The following FAM237A variants were observed in gnomAD, a reference collection of about 807,000 sequenced individuals.
FAM237A encodes the protein protein FAM237A.
In FAM237A, 14 loss-of-function variants were observed where a neutral mutation model predicts 12.5. The ratio of observed to expected loss-of-function variants is 1.12; its 90% confidence interval spans 0.74 to 1.75. The LOEUF is 1.75. Among genes scored for constraint, FAM237A ranks in the 40% most tolerant of loss-of-function variants. The pLI is 0.00. For synonymous variants in FAM237A, 85 were observed against 77.5 expected, an observed-to-expected ratio of 1.10 and a Z score of -0.51; for missense variants, 240 against 211.7, an observed-to-expected ratio of 1.13 and a Z score of -0.83.
rs1044118175 is a variant in FAM237A at position 206,648,924 on chromosome 2, C to T, written c.*130C>T. Reference sequence around the variant, plus strand: ...AGATAAATATGAACCCAAATTCTCTCAGTATACTAATTTAAAGCTGCCTTC... The same window carrying T: ...AGATAAATATGAACCCAAATTCTCTTAGTATACTAATTTAAAGCTGCCTTC... On this transcript the variant is annotated 3_prime_UTR_variant, in exon 3 of 3. Transcript: ENST00000441223. The T allele has an allele frequency of 1.6e-5, 10 of 620,948 alleles. No individual in the cohort carries two copies. The highest frequency in any genetic ancestry group is 2.4e-5 in the Non-Finnish European group (10 of 416,762). The allele number at this position is 620,948 out of a possible 1,614,324, so 38.5% of individuals were successfully genotyped here.
chr2:206,644,543 G>A lies in FAM237A; in HGVS notation c.307G>A (p.Val103Met), dbSNP rs1699293608. 6.2e-7 allele frequency: 1 copy of A among 1,614,006 alleles called. No homozygotes were observed. The highest frequency in any genetic ancestry group is 1.6e-4 in the Middle Eastern group (1 of 6,062). Residue 103 changes from valine to methionine, a missense_variant, in exon 2 of 3, where the codon GTG becomes ATG. Val to Met is a conservative substitution (Grantham distance 21). Transcript: ENST00000441223. ...GGCCCAACTCTTCTGGGACATCTAT[G>A]TGGACTGTGTGCTCTCTAGGAACCA... ...DLAQLFWDIY[V>M]DCVLSRNHGL... is the part of the protein sequence containing the mutation.
chr2:206,646,949 A>G (rs1217492125), intron 2 of FAM237A, among the ~76,000 whole-genome samples: 1 of 152,238 alleles, frequency 6.6e-6, no homozygotes, highest in African/African-American at 2.4e-5. Flanking sequence ...TCAGAAGACA[A>G]GAAGAACTAA....
chr2:206,644,147 G>A, intron 1 of FAM237A, 80 bp from the exon 2 acceptor site: 2 of 1,277,362 alleles, frequency 1.6e-6, no homozygotes. Flanking sequence ...CTGGAAGTAA[G>A]GTTATTAAGG....
intron 2 of FAM237A, among the ~76,000 whole-genome samples, chr2:206,647,684 G>A (rs1376948613): frequency 7.9e-5 from 12 of 150,970 alleles, no homozygotes; most frequent in African/African-American, 2.7e-4. Flanking sequence ...GTGTGTGTTA[G>A]GGAAAGAGCA....
intron 2 of FAM237A, among the ~76,000 whole-genome samples, chr2:206,645,233 A>T (rs983892225): frequency 3.9e-5 from 6 of 152,224 alleles, no homozygotes; most frequent in African/African-American, 1.4e-4. Context: ...TAAGTAATTA[A>T]CTTGCAGCAA....
In FAM237A at chr2:206,642,701, G is replaced by A. The variant is rs775651299; in HGVS notation, c.-11+119G>A. ...CGGGGCTCGTAGCGGGGTGCACGGAGGACTCTAGGTTCAAGGAACTCAGAG... is the reference window on the plus strand; with the variant it reads ...CGGGGCTCGTAGCGGGGTGCACGGAAGACTCTAGGTTCAAGGAACTCAGAG... On this transcript the variant is annotated intron_variant, in intron 1 of 2. Transcript: ENST00000441223. This position sits in a 1 kb window ranked among gnomAD's most constrained non-coding sequence, Gnocchi z 5.1. 5 of 152,470 alleles carry A rather than the reference G, an allele frequency of 3.3e-5. No individual in the cohort carries two copies. Among genetic ancestry groups the A allele is most frequent in the Admixed American group, 6.5e-5 (1 of 15,284 alleles). The allele number at this position is 152,470 out of a possible 1,614,324, so 9.4% of individuals were successfully genotyped here.
chr2:206,643,067 A>G (rs559788408), intron 1 of FAM237A, among the ~76,000 whole-genome samples: 11 of 152,326 alleles, frequency 7.2e-5, no homozygotes, highest in African/African-American at 2.6e-4. Flanking sequence ...GTTCAAAGAC[A>G]CTTTCTGAAA....
rs1312344164 is a variant in FAM237A at position 206,646,441 on chromosome 2, A to G, written c.412+1793A>G. ...TATTATTTCTATTCAGCTGAACACA[A>G]AAAGTTATATATATACTTATTTTAT... On this transcript the variant is annotated intron_variant, in intron 2 of 2. Transcript: ENST00000441223. 2.0e-5 allele frequency among the ~76,000 whole-genome samples: 3 copies of G among 152,348 alleles called. No homozygotes were observed. In the East Asian group the frequency reaches 5.8e-4, roughly 29 times the overall value.
chr2:206,644,364 G>T lies in FAM237A; in HGVS notation c.128G>T (p.Ser43Ile), dbSNP rs762854305. The change falls in exon 2 of 3, where the codon AGC (serine) becomes ATC (isoleucine). Residue 43 changes from serine (S) to isoleucine (I), a missense_variant. Coordinates refer to ENST00000441223, the MANE Select transcript of FAM237A (RefSeq NM_001102659.3). ...CHSQTDLLAL[S>I]QADPQCWESS... ...AGCCAGACAGACTTGCTGGCTCTTA[G>T]CCAAGCTGATCCTCAGTGCTGGGAA... 1 of 1,613,666 alleles carries T rather than the reference G, an allele frequency of 6.2e-7. No individual in the cohort carries two copies. Among genetic ancestry groups the T allele is most frequent in the Non-Finnish European group, 8.5e-7 (1 of 1,179,742 alleles).
chr2:206,649,146 C>T lies in FAM237A; in HGVS notation c.*352C>T, dbSNP rs1289033281. 6.5e-6 allele frequency: 1 copy of T among 154,520 alleles called. No homozygotes were observed. Among genetic ancestry groups the T allele is most frequent in the Non-Finnish European group, 1.4e-5 (1 of 69,886 alleles). 9.6% of individuals were successfully genotyped at this position (154,520 alleles called of 1,614,324 possible). On this transcript the variant is annotated 3_prime_UTR_variant, in exon 3 of 3. Transcript: ENST00000441223. ...GTGCCATACATTTAACTTGAATACA[C>T]TGCATGGCTTCCAAGACTTCAACCA...
At chr2:206,643,609 T>C (rs776385665) in intron 1 of FAM237A, among the ~76,000 whole-genome samples, 1 of 152,194 alleles carries the variant, frequency 6.6e-6, no homozygotes, top group Non-Finnish European at 1.5e-5. Context: ...CAGAACATTA[T>C]TGGTATTTGT....
chr2:206,649,110 A>G lies in FAM237A; in HGVS notation c.*316A>G. On this transcript the variant is annotated 3_prime_UTR_variant, in exon 3 of 3. Transcript: ENST00000441223. ...TTCATTTTGGGATGCTTGACATGTTAATAAACTAGTGTGCCATACATTTAA... is the reference window on the plus strand; with the variant it reads ...TTCATTTTGGGATGCTTGACATGTTGATAAACTAGTGTGCCATACATTTAA... 6.2e-6 allele frequency: 1 copy of G among 161,114 alleles called. No homozygotes were observed. The highest frequency in any genetic ancestry group is 1.3e-5 in the Non-Finnish European group (1 of 74,562). The allele number at this position is 161,114 out of a possible 1,614,324, so 10.0% of individuals were successfully genotyped here. A position where few individuals can be genotyped will look rare whatever the true frequency, so the allele number is the denominator to read the frequency against.
chr2:206,647,689 A>G (rs1401017485), intron 2 of FAM237A, among the ~76,000 whole-genome samples: 2 of 147,364 alleles, frequency 1.4e-5, no homozygotes, highest in Non-Finnish European at 3.0e-5. Flanking sequence ...TGTTAGGGAA[A>G]GAGCATACTG....
Position 206,648,887 on chromosome 2 carries a change from G to A in FAM237A, c.*93G>A, listed in dbSNP as rs1699351821. 1 of 1,044,662 alleles carries A rather than the reference G, an allele frequency of 9.6e-7. No homozygotes were observed. The highest frequency in any genetic ancestry group is 3.7e-5 in the Admixed American group (1 of 26,678). 64.7% of individuals were successfully genotyped at this position (1,044,662 alleles called of 1,614,324 possible). On this transcript the variant is annotated 3_prime_UTR_variant, in exon 3 of 3. Transcript: ENST00000441223. ...TGATTATTTATTTATTTTAAATGGT[G>A]GGAATGCCCAGAGATAAATATGAAC... is the stretch of plus-strand genomic sequence containing the variant.
chr2:206,644,297 C>A lies in FAM237A; in HGVS notation c.61C>A (p.Leu21Ile). The change falls in exon 2 of 3, where the codon CTC becomes ATC. Residue 21 changes from leucine (L) to isoleucine (I), a missense_variant. Physicochemically the swap from Leu to Ile is conservative, Grantham distance 5. Transcript: ENST00000441223. ...CCCCTTGAGCTTCACCTGCTCCCTGCTCATTGTGGGAATGTGCTGTGTATC... is the reference window on the plus strand; with the variant it reads ...CCCCTTGAGCTTCACCTGCTCCCTGATCATTGTGGGAATGTGCTGTGTATC... ...HRPLSFTCSL[L>I]IVGMCCVSPF... 6.2e-7 allele frequency: 1 copy of A among 1,613,258 alleles called. No individual in the cohort carries two copies. The highest frequency in any genetic ancestry group is 8.5e-7 in the Non-Finnish European group (1 of 1,179,542).
Position 206,648,816 on chromosome 2 carries a change from T to C in FAM237A, c.*22T>C, listed in dbSNP as rs1699350400. The stretch of plus-strand genomic sequence containing the variant: ...ATAAATTGAACTCGGAGCTAATTCA[T>C]GCCTTGGAATTAAATATACATATAT... On this transcript the variant is annotated 3_prime_UTR_variant, in exon 3 of 3. Coordinates refer to ENST00000441223, the MANE Select transcript of FAM237A (RefSeq NM_001102659.3). 6.6e-7 allele frequency: 1 copy of C among 1,504,278 alleles called. No individual in the cohort carries two copies. The highest frequency in any genetic ancestry group is 1.4e-5 in the African/African-American group (1 of 71,094). 93.2% of individuals were successfully genotyped at this position (1,504,278 alleles called of 1,614,324 possible). A position where few individuals can be genotyped will look rare whatever the true frequency, so the allele number is the denominator to read the frequency against.
At position 206,642,938 on chromosome 2, in the gene FAM237A, G is replaced by A. The variant is rs1699272638; in HGVS notation, c.-11+356G>A. ...GTACCTCGATATTTTAGTTCGGAAA[G>A]GGACACAACAAATATGATTTCAAGT... On this transcript the variant is annotated intron_variant, in intron 1 of 2. Coordinates refer to ENST00000441223, the MANE Select transcript of FAM237A (RefSeq NM_001102659.3). This position sits in a 1 kb window ranked among gnomAD's most constrained non-coding sequence, Gnocchi z 5.1. Among the ~76,000 whole-genome samples the A allele has an allele frequency of 6.6e-6, 1 of 152,132 alleles. No homozygotes were observed. Among genetic ancestry groups the A allele is most frequent in the Non-Finnish European group, 1.5e-5 (1 of 68,024 alleles).
intron 2 of FAM237A, among the ~76,000 whole-genome samples, chr2:206,648,362 T>C (rs1398916552): frequency 6.6e-6 from 1 of 152,138 alleles, no homozygotes; most frequent in East Asian, 1.9e-4. Flanking sequence ...TATTTCTATA[T>C]AAAAATATAT....
rs1455522959 is a variant in FAM237A at position 206,644,603 on chromosome 2, G to C, written c.367G>C (p.Glu123Gln). The change falls in exon 2 of 3, where the codon GAG becomes CAG. Residue 123 changes from glutamate to glutamine, a missense_variant. Transcript: ENST00000441223. ...LGRRQLVGEEEKISAAQPQHT... is the reference protein window; with the variant it reads ...LGRRQLVGEEQKISAAQPQHT... The stretch of plus-strand genomic sequence containing the variant: ...AAGGAGGCAATTGGTTGGAGAGGAA[G>C]AGAAAATCTCAGCAGCGCAGCCACA... 3.7e-6 allele frequency: 6 copies of C among 1,606,972 alleles called. No homozygotes were observed. Among genetic ancestry groups the C allele is most frequent in the Non-Finnish European group, 5.1e-6 (6 of 1,177,404 alleles).
Sources: allele counts gnomAD v4.1 joint callset (sites outside exome capture counted in the v4.1 genomes callset), GRCh38; gene constraint gnomAD v4.1.1; non-coding constraint Gnocchi (gnomAD v3.1); transcripts MANE v1.5; gene names NCBI Gene and HGNC (gene_info 2026-07-23, HGNC 2026-07-21).